RABGAP1: variants seen among roughly 807,000 people sequenced by gnomAD.
RABGAP1 encodes rab GTPase-activating protein 1.
A neutral mutation model predicts 137.6 loss-of-function variants in RABGAP1; 23 were observed. The observed-to-expected ratio is 0.17, with a 90% CI of 0.12 to 0.24. The LOEUF is 0.24. Among genes scored for constraint, RABGAP1 ranks in the 10% least tolerant of loss-of-function variants. The pLI, the probability that RABGAP1 is intolerant of heterozygous loss-of-function variation, is 1.00. For synonymous variants in RABGAP1, 451 were observed against 450.7 expected, an observed-to-expected ratio of 1.00 and a Z score of -0.01; for missense variants, 906 against 1,275.8, an observed-to-expected ratio of 0.71 and a Z score of 4.42.
the RABGAP1 span, among the ~76,000 whole-genome samples, chr9:122,933,816 G>T: frequency 3.3e-5 from 5 of 151,904 alleles, no homozygotes; most frequent in Admixed American, 6.6e-5. Flanking sequence ...GTAGAGATGG[G>T]GTTTTACCAT....
chr9:122,957,270 G>A (rs1834576900), intron 2 of RABGAP1, 61 bp downstream of exon 2: 1 of 1,325,350 alleles, frequency 7.5e-7, no homozygotes, highest in Non-Finnish European at 1.0e-6. Flanking sequence ...GCAAAACTTG[G>A]CCTTAACAGA....
intron 13 of RABGAP1, among the ~76,000 whole-genome samples, chr9:123,062,926 T>C (rs189606069): frequency 6.6e-6 from 1 of 152,246 alleles, no homozygotes; most frequent in African/African-American, 2.4e-5. Flanking sequence ...GTAGCTGGGA[T>C]TACAGGCACC....
rs865923084 is a variant in RABGAP1 at position 122,990,804 on chromosome 9, T to A, written c.923+591T>A. ...AAAAAAAAAAAAAAAAAAATATATA[T>A]ATATATATATATATATATATATATA... On this transcript the variant is annotated intron_variant, in intron 6 of 25. Coordinates refer to ENST00000373647, the MANE Select transcript of RABGAP1 (RefSeq NM_012197.4). The A allele has an allele frequency of 6.4e-3, 478 of 74,656 alleles. 4 individuals carry two copies. Among genetic ancestry groups the A allele is most frequent in the East Asian group, 0.048 (42 of 868 alleles). 4.6% of individuals were successfully genotyped at this position (74,656 alleles called of 1,614,324 possible).
At chr9:122,972,736 A>T (rs577131117) in intron 2 of RABGAP1, among the ~76,000 whole-genome samples, 10 of 152,280 alleles carry the variant, frequency 6.6e-5, no homozygotes, top group Admixed American at 5.2e-4. Flanking sequence ...GAGGATGGAA[A>T]CCTAATTCAG....
chr9:123,035,883 A>T (rs891373754), intron 13 of RABGAP1, among the ~76,000 whole-genome samples: 2 of 152,150 alleles, frequency 1.3e-5, no homozygotes, highest in African/African-American at 4.8e-5. Context: ...CTTGGAAATG[A>T]CTACAGTTCT....
intron 13 of RABGAP1, among the ~76,000 whole-genome samples, chr9:123,056,784 C>G (rs576742639): frequency 1.3e-4 from 20 of 152,282 alleles, no homozygotes; most frequent in African/African-American, 4.8e-4. Context: ...TCAGAGAGCA[C>G]AGGGTTGGGG....
intron 21 of RABGAP1, among the ~76,000 whole-genome samples, chr9:123,096,920 AGATACAG>A (rs2035202006): frequency 6.6e-6 from 1 of 152,202 alleles, no homozygotes. Context: ...CTTCCAAAGA[AGATACAG>A]GAAAGGAAAT....
intron 10 of RABGAP1, among the ~76,000 whole-genome samples, chr9:122,999,982 A>G (rs1184618320): frequency 6.6e-6 from 1 of 151,432 alleles, no homozygotes; most frequent in East Asian, 1.9e-4. Context: ...CATTTTCTAT[A>G]TTTTTTGTTT....
At chr9:122,997,695 G>A (rs574923180) in intron 9 of RABGAP1, among the ~76,000 whole-genome samples, 22 of 152,252 alleles carry the variant, frequency 1.4e-4, no homozygotes, top group African/African-American at 5.1e-4. Flanking sequence ...TTTATAGGGG[G>A]AAGTGAGTCT....
intron 6 of RABGAP1, among the ~76,000 whole-genome samples, chr9:122,992,907 G>A (rs1034500607): frequency 4.6e-5 from 7 of 151,394 alleles, no homozygotes; most frequent in African/African-American, 1.7e-4. Flanking sequence ...TGAAATCCTA[G>A]CAAAATATAC....
chr9:123,068,993 A>C (rs190411654), intron 14 of RABGAP1, among the ~76,000 whole-genome samples: 10 of 152,234 alleles, frequency 6.6e-5, no homozygotes, highest in African/African-American at 2.4e-4. Context: ...CAAACAAGGA[A>C]TAGCATGTTG....
intron 13 of RABGAP1, among the ~76,000 whole-genome samples, chr9:123,054,966 C>T (rs1395962767): frequency 6.6e-6 from 1 of 152,136 alleles, no homozygotes; most frequent in Non-Finnish European, 1.5e-5. Context: ...TTTTCTCCAC[C>T]ATAAAGTTTC....
chr9:123,008,740 T>A (rs1347331842), intron 10 of RABGAP1, among the ~76,000 whole-genome samples: 1 of 152,172 alleles, frequency 6.6e-6, no homozygotes, highest in Non-Finnish European at 1.5e-5. Flanking sequence ...ATTCAGTGTA[T>A]TAATTAATGA....
At chr9:123,049,079 A>G (rs1203422795) in intron 13 of RABGAP1, among the ~76,000 whole-genome samples, 1 of 152,248 alleles carries the variant, frequency 6.6e-6, no homozygotes, top group Non-Finnish European at 1.5e-5. Flanking sequence ...ATTTCATTAA[A>G]TAAAGAGCCA....
intron 19 of RABGAP1, among the ~76,000 whole-genome samples, chr9:123,085,675 A>C (rs1169614988): frequency 6.6e-6 from 1 of 152,204 alleles, no homozygotes; most frequent in Non-Finnish European, 1.5e-5. Flanking sequence ...AATTCAATTA[A>C]AAGTTAAAAG....
chr9:123,028,173 G>A (rs2032091708), intron 13 of RABGAP1, among the ~76,000 whole-genome samples: 1 of 152,192 alleles, frequency 6.6e-6, no homozygotes, highest in African/African-American at 2.4e-5. Flanking sequence ...TTACCATGCT[G>A]GGGTTTTACT....
Position 123,070,616 on chromosome 9 carries a change from G to A in RABGAP1, c.1983+192G>A, listed in dbSNP as rs973144491. ...GAGGAGATATATGATGAGAATAAAC[G>A]GCAATGTTGAAAACTGGTACAGGGG... is the stretch of plus-strand genomic sequence containing the variant. On this transcript the variant is annotated intron_variant, in intron 15 of 25. Coordinates refer to ENST00000373647, the MANE Select transcript of RABGAP1 (RefSeq NM_012197.4). This position sits in a 1 kb window ranked among gnomAD's most constrained non-coding sequence, Gnocchi z 4.4. Among the ~76,000 whole-genome samples, 1 of 152,058 alleles carries A rather than the reference G, an allele frequency of 6.6e-6. No individual in the cohort carries two copies. Among genetic ancestry groups the A allele is most frequent in the Non-Finnish European group, 1.5e-5 (1 of 68,024 alleles).
intron 2 of RABGAP1, among the ~76,000 whole-genome samples, chr9:122,963,044 A>G (rs1219828921): frequency 2.0e-5 from 3 of 152,230 alleles, no homozygotes; most frequent in Admixed American, 6.5e-5. Flanking sequence ...TAACAATTAC[A>G]TATCTAATAA....
intron 10 of RABGAP1, among the ~76,000 whole-genome samples, chr9:123,003,044 G>A (rs891267283): frequency 1.3e-5 from 2 of 152,160 alleles, no homozygotes; most frequent in Admixed American, 6.6e-5. Context: ...GAAAGGAGAG[G>A]TAGAATGGGA....
Sources: gnomAD v4.1 joint callset for allele counts (sites outside exome capture counted in the v4.1 genomes callset) on GRCh38, gnomAD v4.1.1 for gene constraint, Gnocchi (gnomAD v3.1) non-coding constraint, MANE v1.5 for transcripts, NCBI Gene and HGNC (gene_info 2026-07-23, HGNC 2026-07-21) for gene names.